Variants in TMEM260 observed in about 807,000 individuals in gnomAD.
TMEM260 encodes the protein protein O-mannosyl-transferase TMEM260.
A neutral mutation model predicts 88.9 loss-of-function variants in TMEM260; 82 were observed. The observed-to-expected ratio is 0.92, with a 90% CI of 0.77 to 1.11. The LOEUF (loss-of-function observed/expected upper bound fraction) is 1.11. Ranked by LOEUF, TMEM260 falls within the 50% of genes least tolerant of loss-of-function variation. TMEM260 has a pLI of 0.00. For synonymous variants in TMEM260, 314 were observed against 309.3 expected (o/e 1.02, Z -0.16); for missense variants, 902 against 853.4 (o/e 1.06, Z -0.71).
At chr14:56,618,141 G>GA (rs1887698440) in intron 9 of TMEM260, among the ~76,000 whole-genome samples, 1 of 152,034 alleles carries the variant, frequency 6.6e-6, no homozygotes, top group Admixed American at 6.6e-5. Context: ...AAAGTGAGAT[G>GA]AAAAGGGAGG....
intron 3 of TMEM260, among the ~76,000 whole-genome samples, chr14:56,586,872 T>C (rs959629006): frequency 1.3e-5 from 2 of 152,030 alleles, no homozygotes; most frequent in Admixed American, 6.5e-5. Context: ...AGTTTACTTT[T>C]GATCTGTATG....
chr14:56,644,034 A>G (rs1202247000), intron 15 of TMEM260, among the ~76,000 whole-genome samples: 2 of 152,224 alleles, frequency 1.3e-5, no homozygotes, highest in East Asian at 1.9e-4. Flanking sequence ...AGAACATTCC[A>G]TGCTCATGGG....
chr14:56,620,900 A>G (rs1887874616), intron 10 of TMEM260, among the ~76,000 whole-genome samples: 1 of 152,120 alleles, frequency 6.6e-6, no homozygotes, highest in African/African-American at 2.4e-5. Flanking sequence ...TCATTCTTGA[A>G]AAGAATGAAG....
At chr14:56,631,640 A>G (rs914402667) in intron 12 of TMEM260, among the ~76,000 whole-genome samples, 2 of 143,976 alleles carry the variant, frequency 1.4e-5, no homozygotes, top group Non-Finnish European at 3.0e-5. Context: ...AAAAAAAAAG[A>G]GACTGTGCAG....
intron 14 of TMEM260, among the ~76,000 whole-genome samples, chr14:56,635,738 C>T (rs72711227): frequency 0.024 from 3,595 of 152,150 alleles, 103 homozygotes; most frequent in East Asian, 0.099. Context: ...CAGTCTGAGC[C>T]AGGGACTGTG....
At chr14:56,662,242 G>A in the TMEM260 span, among the ~76,000 whole-genome samples, 1,008 of 152,236 alleles carry the variant, frequency 6.6e-3, 8 homozygotes, top group African/African-American at 0.022. Context: ...AACTACTCCC[G>A]TGGTATATAG....
intron 11 of TMEM260, 138 bp downstream of exon 11, chr14:56,621,840 T>G (rs1417411930): frequency 1.6e-6 from 1 of 622,488 alleles, no homozygotes; most frequent in Non-Finnish European, 2.5e-6. Flanking sequence ...ACATTCTACA[T>G]GTTAGGTAGA....
intron 7 of TMEM260, chr14:56,613,910 A>AAAAAAAAAAAAAAAAAAAAAT (rs1465604052): frequency 2.1e-4 from 30 of 144,420 alleles, no homozygotes; most frequent in East Asian, 1.1e-3. Flanking sequence ...AAAAAAAAAA[A>AAAAAAAAAAAAAAAAAAAAAT]TTTTTTTTTT....
At chr14:56,633,214 TTTTGAATACCCAAA>T (rs1393240849) in intron 13 of TMEM260, 43 bp downstream of exon 13, 3 of 1,493,818 alleles carry the variant, frequency 2.0e-6, no homozygotes, top group African/African-American at 1.4e-5. Context: ...AACATAGCAG[TTTTGAATACCCAAA>T]AAAACTACTA....
chr14:56,637,333 C>T (rs773741817), intron 15 of TMEM260, among the ~76,000 whole-genome samples: 1 of 152,116 alleles, frequency 6.6e-6, no homozygotes, highest in Non-Finnish European at 1.5e-5. Context: ...TGAGATTTCA[C>T]GAGAAGAGAT....
At position 56,580,006 on chromosome 14, in the gene TMEM260, C is replaced by G. The variant is rs942672422; in HGVS notation, c.92C>G (p.Ala31Gly). Residue 31 changes from alanine (A) to glycine (G), a missense_variant, in exon 1 of 16, where the codon GCG (alanine) becomes GGG (glycine). Ala to Gly is a moderately conservative substitution (Grantham distance 60, BLOSUM62 0). Transcript: ENST00000261556. ...TCCGGGGGCATCCGCGGCGGCGTGG[C>G]GGTGTTCGCCGCCGTGGCCGCAGTG... Reference protein sequence around the residue: ...RRSGGIRGGVAVFAAVAAVFT... With the variant: ...RRSGGIRGGVGVFAAVAAVFT... The G allele has an allele frequency of 1.8e-5, 22 of 1,247,224 alleles. No homozygotes were observed. The highest frequency in any genetic ancestry group is 2.0e-5 in the Non-Finnish European group (20 of 989,154). 77.3% of individuals were successfully genotyped at this position (1,247,224 alleles called of 1,614,324 possible).
At chr14:56,596,624 G>A (rs1364169859) in intron 3 of TMEM260, among the ~76,000 whole-genome samples, 10 of 150,114 alleles carry the variant, frequency 6.7e-5, no homozygotes, top group African/African-American at 2.2e-4. Context: ...TTAGCCAGGC[G>A]TGGTGGTGCA....
intron 15 of TMEM260, among the ~76,000 whole-genome samples, chr14:56,643,624 A>T (rs926778656): frequency 6.6e-6 from 1 of 151,916 alleles, no homozygotes; most frequent in Admixed American, 6.6e-5. Context: ...CTCTCTCACC[A>T]CTCCTATTCA....
the TMEM260 span, among the ~76,000 whole-genome samples, chr14:56,662,287 C>A: frequency 6.6e-6 from 1 of 152,146 alleles, no homozygotes; most frequent in Non-Finnish European, 1.5e-5. Context: ...GGATCCATTC[C>A]ACCTAGTTTA....
chr14:56,609,259 A>G lies in TMEM260; in HGVS notation c.790A>G (p.Arg264Gly). 6.2e-7 allele frequency: 1 copy of G among 1,614,078 alleles called. No homozygotes were observed. The highest frequency in any genetic ancestry group is 1.7e-5 in the Admixed American group (1 of 60,014). The stretch of plus-strand genomic sequence containing the variant: ...GCAAGGATTTTTGACACATTTTCTC[A>G]GGGAAGAATATGGAACCTTCAGCCT... The part of the protein sequence containing the change: ...TLQGFLTHFL[R>G]EEYGTFSLAK... Residue 264 changes from arginine to glycine, a missense_variant, in exon 6 of 16, where the codon AGG (arginine) becomes GGG (glycine). By Grantham distance (125) the Arg-to-Gly change is moderately radical. Coordinates refer to ENST00000261556, the MANE Select transcript of TMEM260 (RefSeq NM_017799.4).
chr14:56,611,349 C>G (rs948492288), intron 6 of TMEM260, among the ~76,000 whole-genome samples: 2 of 152,144 alleles, frequency 1.3e-5, no homozygotes, highest in African/African-American at 4.8e-5. Flanking sequence ...CAATAAGACT[C>G]TGAACTAAAG....
intron 12 of TMEM260, among the ~76,000 whole-genome samples, chr14:56,627,890 T>C (rs1038597778): frequency 2.0e-5 from 3 of 152,230 alleles, no homozygotes; most frequent in Non-Finnish European, 4.4e-5. Context: ...AATTTTCTTG[T>C]GCTGCTCCCG....
At chr14:56,646,310 T>C (rs1223278741) in intron 15 of TMEM260, among the ~76,000 whole-genome samples, 1 of 152,232 alleles carries the variant, frequency 6.6e-6, no homozygotes, top group Non-Finnish European at 1.5e-5. Context: ...AACTAAATTA[T>C]GTAATGTCTA....
intron 3 of TMEM260, among the ~76,000 whole-genome samples, chr14:56,602,805 A>G (rs968005413): frequency 3.3e-5 from 5 of 152,166 alleles, no homozygotes; most frequent in African/African-American, 1.2e-4. Flanking sequence ...TGAGATTTTT[A>G]TTTAATCATT....
Sources: allele counts gnomAD v4.1 joint callset (sites outside exome capture counted in the v4.1 genomes callset), GRCh38; gene constraint gnomAD v4.1.1; transcripts MANE v1.5; gene names NCBI Gene and HGNC (gene_info 2026-07-23, HGNC 2026-07-21).